The following GSDME variants were observed in gnomAD, a reference collection of about 807,000 sequenced individuals.
GSDME encodes gasdermin E, also known as gasdermin-E.
A neutral mutation model predicts 47.5 loss-of-function variants in GSDME; 44 were observed. That is an observed-to-expected ratio of 0.93 (90% CI 0.73 to 1.19). The LOEUF (loss-of-function observed/expected upper bound fraction) is 1.19. GSDME is among the 50% of genes most tolerant of loss of function. The pLI is 0.00. For synonymous variants in GSDME, 258 were observed against 252.8 expected (o/e 1.02, Z -0.20); for missense variants, 663 against 604.2 (o/e 1.10, Z -1.02).
At chr7:24,749,511 A>T (rs1790784858) in intron 2 of GSDME, 53 bp downstream of exon 2, 1 of 1,475,750 alleles carries the variant, frequency 6.8e-7, no homozygotes. Context: ...AAAAAAAAAA[A>T]AAAGGATCAT....
chr7:24,706,782 G>C (rs755931342), intron 7 of GSDME, among the ~76,000 whole-genome samples: 1 of 152,244 alleles, frequency 6.6e-6, no homozygotes, highest in African/African-American at 2.4e-5. Context: ...CTGGGCAGCT[G>C]CATCTGTCCC....
chr7:24,759,370 T>TA (rs1363508969), upstream of GSDME, among the ~76,000 whole-genome samples: 2 of 152,162 alleles, frequency 1.3e-5, no homozygotes, highest in African/African-American at 4.8e-5. Context: ...ATGCAACAGT[T>TA]ACTAAGTGGC....
chr7:24,782,466 T>C, the GSDME span, among the ~76,000 whole-genome samples: 5 of 152,190 alleles, frequency 3.3e-5, no homozygotes, highest in Admixed American at 6.5e-5. Flanking sequence ...CAGTCTATCA[T>C]TGATGGACAT....
At chr7:24,740,108 A>G (rs1169531622) in intron 3 of GSDME, among the ~76,000 whole-genome samples, 2 of 151,458 alleles carry the variant, frequency 1.3e-5, no homozygotes, top group African/African-American at 4.9e-5. Flanking sequence ...AAAAAAAAGG[A>G]TAAGATCCTG....
chr7:24,702,825 C>T lies in GSDME; in HGVS notation c.1192G>A (p.Asp398Asn), dbSNP rs144651293. Residue 398 changes from aspartate (D) to asparagine (N), a missense_variant, in exon 9 of 10, where the codon GAT (aspartate) becomes AAT (asparagine). By Grantham distance (23) the Asp-to-Asn change is conservative. Coordinates refer to ENST00000645220, the MANE Select transcript of GSDME (RefSeq NM_001127453.2). ...FLVSALAEMP[D>N]SAAALLGTCC... is the part of the protein sequence containing the mutation. ...GTGCCCAGCAGAGCTGCTGCGCTAT[C>T]TGGCATTTCTGCAGGAGAGAAAAAT... 113 of 1,612,986 alleles carry T rather than the reference C, an allele frequency of 7.0e-5. No homozygotes were observed. In the African/African-American group the frequency reaches 1.4e-3, roughly 20 times the overall value.
the GSDME span, among the ~76,000 whole-genome samples, chr7:24,785,862 T>C: frequency 6.6e-6 from 1 of 152,240 alleles, no homozygotes; most frequent in Non-Finnish European, 1.5e-5. Context: ...TTCAGCCCCA[T>C]GGCTATCTGC....
chr7:24,770,684 T>G, the GSDME span, among the ~76,000 whole-genome samples: 1 of 151,900 alleles, frequency 6.6e-6, no homozygotes, highest in Non-Finnish European at 1.5e-5. This position sits in a 1 kb window ranked among gnomAD's most constrained non-coding sequence, Gnocchi z 4.6. Flanking sequence ...AAGAGTAATA[T>G]AAGCAGAGAG....
the GSDME span, among the ~76,000 whole-genome samples, chr7:24,780,612 G>A: frequency 1.3e-5 from 2 of 152,164 alleles, no homozygotes; most frequent in Admixed American, 1.3e-4. This position sits in a 1 kb window ranked among gnomAD's most constrained non-coding sequence, Gnocchi z 4.1. Context: ...TGAATGTCAT[G>A]TCTTCTGTGA....
chr7:24,705,352 T>A lies in GSDME; in HGVS notation c.1183+832A>T, dbSNP rs1789051322. 6.6e-6 allele frequency: 1 copy of A among 152,370 alleles called. No homozygotes were observed. The highest frequency in any genetic ancestry group is 1.5e-5 in the Non-Finnish European group (1 of 68,232). 9.4% of individuals were successfully genotyped at this position (152,370 alleles called of 1,614,324 possible). A position where few individuals can be genotyped will look rare whatever the true frequency, so the allele number is the denominator to read the frequency against. On this transcript the variant is annotated intron_variant, in intron 8 of 9. Coordinates refer to ENST00000645220, the MANE Select transcript of GSDME (RefSeq NM_001127453.2). The surrounding 1 kb of genome is among the most constrained non-coding windows in gnomAD (Gnocchi z 4.1). Reference sequence around the variant, plus strand: ...AGCATATATTTATCAGCACATAGAGTTGGGACAGGCATTCTCTCAGATTAA... The same window carrying A: ...AGCATATATTTATCAGCACATAGAGATGGGACAGGCATTCTCTCAGATTAA...
chr7:24,779,523 G>GTGTGTGTGTC, the GSDME span, among the ~76,000 whole-genome samples: 4 of 151,908 alleles, frequency 2.6e-5, no homozygotes, highest in East Asian at 7.8e-4. The surrounding 1 kb of genome is among the most constrained non-coding windows in gnomAD (Gnocchi z 6.0). Context: ...GTGTGTGTGT[G>GTGTGTGTGTC]TGTGTGTCTG....
Position 24,699,194 on chromosome 7 carries a change from A to C in GSDME, c.1323T>G (p.Asp441Glu). Residue 441 changes from aspartate (D) to glutamate (E), a missense_variant, in exon 10 of 10, where the codon GAT becomes GAG. Coordinates refer to ENST00000645220, the MANE Select transcript of GSDME (RefSeq NM_001127453.2). The part of the protein sequence containing the change: ...LEDPTLTPLK[D>E]TERFGIVQRL... Reference sequence around the variant, plus strand: ...GCTGCACAATCCCAAACCTTTCTGTATCTTTCAGGGGAGTCAAGGTTGGGT... The same window carrying C: ...GCTGCACAATCCCAAACCTTTCTGTCTCTTTCAGGGGAGTCAAGGTTGGGT... The C allele has an allele frequency of 6.2e-7, 1 of 1,614,202 alleles. No homozygotes were observed. The highest frequency in any genetic ancestry group is 8.5e-7 in the Non-Finnish European group (1 of 1,180,034).
intron 5 of GSDME, among the ~76,000 whole-genome samples, chr7:24,713,183 T>C (rs1423838516): frequency 2.0e-5 from 3 of 152,146 alleles, no homozygotes; most frequent in Non-Finnish European, 4.4e-5. Flanking sequence ...GCAGAGCATA[T>C]GATGGAAAGG....
chr7:24,717,506 G>A, intron 4 of GSDME, 132 bp from the exon 5 acceptor site: 3 of 1,427,184 alleles, frequency 2.1e-6, no homozygotes, highest in South Asian at 2.4e-5. Flanking sequence ...GTGGAACAGA[G>A]GAGCCAGCCA....
At chr7:24,786,484 C>T in the GSDME span, among the ~76,000 whole-genome samples, 1 of 152,182 alleles carries the variant, frequency 6.6e-6, no homozygotes, top group Admixed American at 6.5e-5. The surrounding 1 kb of genome is among the most constrained non-coding windows in gnomAD (Gnocchi z 5.5). Flanking sequence ...GTGAATGCTT[C>T]TGACAAATGG....
At position 24,744,771 on chromosome 7, in the gene GSDME, G is replaced by C; in HGVS notation, c.212-17C>G. ...CCACGACCACTGGAATGGAGGAGAC[G>C]AGCAGAGGAAGCCGATGATGATAAG... is the stretch of plus-strand genomic sequence containing the variant. On this transcript the variant is annotated splice_polypyrimidine_tract_variant and intron_variant, in intron 2 of 9. Coordinates refer to ENST00000645220, the MANE Select transcript of GSDME (RefSeq NM_001127453.2). The surrounding 1 kb of genome is among the most constrained non-coding windows in gnomAD (Gnocchi z 4.5). 1.2e-6 allele frequency: 2 copies of C among 1,613,636 alleles called. No homozygotes were observed. The highest frequency in any genetic ancestry group is 1.7e-6 in the Non-Finnish European group (2 of 1,179,886).
rs532542015 is a variant in GSDME at position 24,757,172 on chromosome 7, G to C, written c.-20+224C>G. 2.6e-4 allele frequency among the ~76,000 whole-genome samples: 39 copies of C among 152,298 alleles called. No homozygotes were observed. Among genetic ancestry groups the C allele is most frequent in the Admixed American group, 8.5e-4 (13 of 15,300 alleles). On this transcript the variant is annotated intron_variant, in intron 1 of 9. Transcript: ENST00000645220. The surrounding 1 kb of genome is among the most constrained non-coding windows in gnomAD (Gnocchi z 5.9). ...CGGGACGCGGTGATGGGAGGGGACC[G>C]GGCCGGGAATGCGGGAGGCGAGGGG...
At chr7:24,707,569 G>T (rs1190811035) in intron 7 of GSDME, 2 of 374,226 alleles carry the variant, frequency 5.3e-6, no homozygotes. Context: ...CTAAGAACGT[G>T]ACCTTAGTCT....
intron 9 of GSDME, among the ~76,000 whole-genome samples, chr7:24,702,068 G>A (rs950393797): frequency 4.6e-5 from 7 of 152,200 alleles, no homozygotes; most frequent in Non-Finnish European, 8.8e-5. Flanking sequence ...TAATCAGACC[G>A]TGTGTGCTCA....
chr7:24,719,504 C>T (rs947925844), intron 3 of GSDME, among the ~76,000 whole-genome samples: 1 of 152,126 alleles, frequency 6.6e-6, no homozygotes, highest in Non-Finnish European at 1.5e-5. Context: ...AAAAGAAAAT[C>T]AACCAGGGCC....
Sources: gnomAD v4.1 joint callset for allele counts (sites outside exome capture counted in the v4.1 genomes callset) on GRCh38, gnomAD v4.1.1 for gene constraint, Gnocchi (gnomAD v3.1) non-coding constraint, MANE v1.5 for transcripts, NCBI Gene and HGNC (gene_info 2026-07-23, HGNC 2026-07-21) for gene names.